The following NEGR1 variants were observed in gnomAD, a reference collection of about 807,000 sequenced individuals.
NEGR1 encodes the protein neuronal growth regulator 1.
In NEGR1, 10 loss-of-function variants were observed where a neutral mutation model predicts 40.9. The ratio of observed to expected loss-of-function variants is 0.24; its 90% CI spans 0.15 to 0.42. The LOEUF (loss-of-function observed/expected upper bound fraction) is 0.42, where lower values mean the gene tolerates loss of function less well. NEGR1 is among the 10% of genes least tolerant of loss of function. The pLI is 1.00. For synonymous variants in NEGR1, 185 were observed against 166.8 expected (o/e 1.11, Z -0.84); for missense variants, 352 against 438.9 (o/e 0.80, Z 1.77).
rs944659139 is a variant in NEGR1 at position 71,918,013 on chromosome 1, C to G, written c.409+17066G>C. 2.0e-5 allele frequency among the ~76,000 whole-genome samples: 3 copies of G among 149,600 alleles called. No individual in the cohort carries two copies. In the East Asian group the frequency reaches 6.1e-4, roughly 30 times the overall value. Reference sequence around the variant, plus strand: ...CGGGCGGATCACAAGGTCAGGAGATCGAGACCATCCTATCTAACATGGTGA... The same window carrying G: ...CGGGCGGATCACAAGGTCAGGAGATGGAGACCATCCTATCTAACATGGTGA... On this transcript the variant is annotated intron_variant, in intron 2 of 6. Coordinates refer to ENST00000357731, the MANE Select transcript of NEGR1 (RefSeq NM_173808.3).
At position 71,999,632 on chromosome 1, in the gene NEGR1, AATAT is replaced by A. The variant is rs528857972; in HGVS notation, c.177-64325_177-64322del. ...ATGTATTTGCATCTTGAGCAAAGCA[AATAT>A]ATATATATATATATATATATATATA... On this transcript the variant is annotated intron_variant, in intron 1 of 6. Coordinates refer to ENST00000357731, the MANE Select transcript of NEGR1 (RefSeq NM_173808.3). Among the ~76,000 whole-genome samples, 357 of 48,302 alleles carry A rather than the reference AATAT, an allele frequency of 7.4e-3. 10 individuals are homozygous for A. The highest frequency in any genetic ancestry group is 0.023 in the African/African-American group (246 of 10,666). The allele number at this position is 48,302 out of a possible 152,430, so 31.7% of individuals were successfully genotyped here. A position where few individuals can be genotyped will look rare whatever the true frequency, so the allele number is the denominator to read the frequency against.
At chr1:71,760,157 GA>G (rs1159456454) in intron 3 of NEGR1, among the ~76,000 whole-genome samples, 1 of 151,604 alleles carries the variant, frequency 6.6e-6, no homozygotes, top group African/African-American at 2.4e-5. Flanking sequence ...AATTCCATAA[GA>G]AAAAAAATCT....
intron 6 of NEGR1, among the ~76,000 whole-genome samples, chr1:71,450,916 G>GA (rs1386410072): frequency 1.3e-5 from 2 of 151,544 alleles, no homozygotes; most frequent in African/African-American, 2.4e-5. Flanking sequence ...CTTACAGTGT[G>GA]AAAAAAATAC....
intron 5 of NEGR1, among the ~76,000 whole-genome samples, chr1:71,598,216 G>A (rs777712971): frequency 6.6e-6 from 1 of 152,128 alleles, no homozygotes; most frequent in African/African-American, 2.4e-5. Flanking sequence ...GTAGAAACCA[G>A]GATATTGTAT....
chr1:71,504,111 A>G (rs1007033436), intron 6 of NEGR1, among the ~76,000 whole-genome samples: 1 of 151,238 alleles, frequency 6.6e-6, no homozygotes, highest in African/African-American at 2.4e-5. Context: ...TAGATAAAAA[A>G]ATAAAATAAA....
chr1:71,487,249 A>G (rs1223166920), intron 6 of NEGR1, among the ~76,000 whole-genome samples: 1 of 151,690 alleles, frequency 6.6e-6, no homozygotes, highest in Non-Finnish European at 1.5e-5. Context: ...CACTTTGTCT[A>G]ATGTCATAAT....
Position 71,786,276 on chromosome 1 carries a change from T to C in NEGR1, c.410-9979A>G, listed in dbSNP as rs187777468. ...TTAATAGTTTGATATATTTTATTTTTGTCTTTTTATTCATATGTTTATATA... is the reference window on the plus strand; with the variant it reads ...TTAATAGTTTGATATATTTTATTTTCGTCTTTTTATTCATATGTTTATATA... On this transcript the variant is annotated intron_variant, in intron 2 of 6. Transcript: ENST00000357731. Among the ~76,000 whole-genome samples the C allele has an allele frequency of 3.1e-3, 467 of 152,294 alleles. 1 individual carries two copies. Among genetic ancestry groups the C allele is most frequent in the African/African-American group, 0.011 (454 of 41,564 alleles).
intron 1 of NEGR1, among the ~76,000 whole-genome samples, chr1:72,175,787 G>A (rs1379639216): frequency 6.6e-6 from 1 of 151,880 alleles, no homozygotes; most frequent in Non-Finnish European, 1.5e-5. Flanking sequence ...GCAAAATTTG[G>A]AATCACAGCT....
chr1:71,721,533 G>T (rs72678922), intron 3 of NEGR1, among the ~76,000 whole-genome samples: 1 of 152,244 alleles, frequency 6.6e-6, no homozygotes, highest in Non-Finnish European at 1.5e-5. Context: ...CACATGCTTT[G>T]CAGGGGGAAG....
At chr1:71,999,565 T>G (rs1337731288) in intron 1 of NEGR1, among the ~76,000 whole-genome samples, 2 of 143,968 alleles carry the variant, frequency 1.4e-5, no homozygotes, top group African/African-American at 5.1e-5. Flanking sequence ...CTTCTGAAAA[T>G]TTTTAAGATA....
chr1:71,689,921 A>G (rs1183697476), intron 4 of NEGR1, among the ~76,000 whole-genome samples: 2 of 152,172 alleles, frequency 1.3e-5, no homozygotes, highest in East Asian at 1.9e-4. Flanking sequence ...TTTAACATTT[A>G]TCATTTAACA....
intron 2 of NEGR1, among the ~76,000 whole-genome samples, chr1:71,886,465 A>C (rs1392582365): frequency 3.3e-5 from 5 of 151,744 alleles, no homozygotes; most frequent in African/African-American, 1.2e-4. Context: ...GGGAAAAAAA[A>C]AAAAACAAAG....
At chr1:71,647,910 T>C (rs1191758309) in intron 4 of NEGR1, among the ~76,000 whole-genome samples, 1 of 152,002 alleles carries the variant, frequency 6.6e-6, no homozygotes, top group Non-Finnish European at 1.5e-5. Context: ...TTCCCTGAAA[T>C]TAAACTGTTA....
chr1:72,268,619 TAGGA>T (rs1472233392), intron 1 of NEGR1, among the ~76,000 whole-genome samples: 3 of 151,250 alleles, frequency 2.0e-5, no homozygotes, highest in Non-Finnish European at 4.4e-5. Flanking sequence ...AGATTACCTA[TAGGA>T]AAAACTGTAC....
intron 2 of NEGR1, among the ~76,000 whole-genome samples, chr1:71,801,962 G>T (rs1482098166): frequency 6.6e-6 from 1 of 152,146 alleles, no homozygotes; most frequent in African/African-American, 2.4e-5. Context: ...AAGGTGCTCT[G>T]GTAGGGTCTC....
chr1:71,958,371 G>T (rs1311835602), intron 1 of NEGR1, among the ~76,000 whole-genome samples: 1 of 151,964 alleles, frequency 6.6e-6, no homozygotes, highest in African/African-American at 2.4e-5. Flanking sequence ...TGCTATTTAA[G>T]CCTAATTTAT....
intron 6 of NEGR1, among the ~76,000 whole-genome samples, chr1:71,528,576 T>TA (rs888869436): frequency 1.3e-5 from 2 of 151,328 alleles, no homozygotes; most frequent in Non-Finnish European, 3.0e-5. Flanking sequence ...AATTATTTTC[T>TA]AAGTACATGA....
chr1:71,862,936 A>T (rs1659995705), intron 2 of NEGR1, among the ~76,000 whole-genome samples: 1 of 152,178 alleles, frequency 6.6e-6, no homozygotes, highest in Non-Finnish European at 1.5e-5. Flanking sequence ...ATTATTAAAA[A>T]GTCAAGAAAC....
At chr1:72,023,272 C>G (rs950527423) in intron 1 of NEGR1, among the ~76,000 whole-genome samples, 1 of 152,020 alleles carries the variant, frequency 6.6e-6, no homozygotes, top group Non-Finnish European at 1.5e-5. Flanking sequence ...TATCGTACCC[C>G]GAGCACAGCC....
Sources: gnomAD v4.1 joint callset for allele counts (sites outside exome capture counted in the v4.1 genomes callset) on GRCh38, gnomAD v4.1.1 for gene constraint, MANE v1.5 for transcripts, NCBI Gene and HGNC (gene_info 2026-07-23, HGNC 2026-07-21) for gene names.